The following ADGRG1 variants were observed in gnomAD, a reference collection of about 807,000 sequenced individuals.
ADGRG1 encodes 7-transmembrane protein with no EGF-like N-terminal domains-1.
Under a neutral mutation model 73.5 loss-of-function variants are expected in ADGRG1, and 53 were observed. That is an observed-to-expected ratio of 0.72 (90% CI 0.58 to 0.91). The LOEUF (loss-of-function observed/expected upper bound fraction) is 0.91, where lower values mean the gene tolerates loss of function less well. Ranked by LOEUF, ADGRG1 falls within the 40% of genes least tolerant of loss-of-function variation. The pLI, the probability that ADGRG1 is intolerant of heterozygous loss-of-function variation, is 0.00. For missense variants in ADGRG1, 795 were observed against 871.8 expected, an observed-to-expected ratio of 0.91 and a Z score of 1.11; for synonymous variants, 394 against 374.4, an observed-to-expected ratio of 1.05 and a Z score of -0.60.
upstream of ADGRG1, chr16:57,625,631 C>G (rs1360698704): frequency 1.0e-6 from 1 of 982,974 alleles, no homozygotes. Context: ...ATTCTGGAAT[C>G]CCCTGGGCAT....
intron 5 of ADGRG1, among the ~76,000 whole-genome samples, chr16:57,654,795 G>A (rs1426783174): frequency 1.3e-5 from 2 of 152,158 alleles, no homozygotes; most frequent in Admixed American, 6.5e-5. Flanking sequence ...CAGGAGAATC[G>A]CTTGAACCCG....
At chr16:57,641,103 C>CG (rs2147751725) in intron 1 of ADGRG1, 1 of 955,836 alleles carries the variant, frequency 1.0e-6, no homozygotes, top group South Asian at 4.8e-5. Context: ...CTGAAGCCTG[C>CG]GGGAGCCTGG....
chr16:57,657,238 T>G lies in ADGRG1; in HGVS notation c.1168-135T>G, dbSNP rs2045952923. On this transcript the variant is annotated intron_variant, in intron 9 of 13. Coordinates refer to ENST00000562631, the MANE Select transcript of ADGRG1 (RefSeq NM_201525.4). ...GAAAAATGCACTTATGGGACCACAT[T>G]CTGCTCAGTTGGGAGAGGGGGTTCT... is the stretch of plus-strand genomic sequence containing the variant. 5 of 1,278,080 alleles carry G rather than the reference T, an allele frequency of 3.9e-6. No individual in the cohort carries two copies. In the Admixed American group the frequency reaches 9.7e-5, roughly 25 times the overall value. The allele number at this position is 1,278,080 out of a possible 1,614,324, so 79.2% of individuals were successfully genotyped here.
chr16:57,620,499 TCTC>T (rs1412761905), upstream of ADGRG1, among the ~76,000 whole-genome samples: 3 of 152,062 alleles, frequency 2.0e-5, no homozygotes, highest in African/African-American at 4.8e-5. Context: ...GGACCTGAAG[TCTC>T]CTGCCTGCTT....
chr16:57,622,249 A>G (rs773143438), intron 2 of ADGRG1: 1 of 152,242 alleles, frequency 6.6e-6, no homozygotes, highest in Non-Finnish European at 1.5e-5. Context: ...TTACACAGGA[A>G]GATACTGAGG....
At position 57,656,004 on chromosome 16, in the gene ADGRG1, CCAG is replaced by C; in HGVS notation, c.1017+14_1017+16del. The C allele has an allele frequency of 6.2e-7, 1 of 1,613,950 alleles. No individual in the cohort carries two copies. The highest frequency in any genetic ancestry group is 1.1e-5 in the South Asian group (1 of 91,074). Reference sequence around the variant, plus strand: ...ACCAGCTACAGCCGGTGAGTGGGGGCCAGCCATCAAGAGAACAAGCGCCCCTCG... The same window carrying C: ...ACCAGCTACAGCCGGTGAGTGGGGGCCCATCAAGAGAACAAGCGCCCCTCG... On this transcript the variant is annotated intron_variant, in intron 7 of 13. Transcript: ENST00000562631.
At position 57,630,820 on chromosome 16, in the gene ADGRG1, G is replaced by A. The variant is rs1053597628; in HGVS notation, c.-36+2018G>A. 9 of 390,978 alleles carry A rather than the reference G, an allele frequency of 2.3e-5. No homozygotes were observed. The East Asian group carries it at 8.1e-4, about 35-fold the overall frequency. The allele number at this position is 390,978 out of a possible 1,614,324, so 24.2% of individuals were successfully genotyped here. A position where few individuals can be genotyped will look rare whatever the true frequency, so the allele number is the denominator to read the frequency against. On this transcript the variant is annotated intron_variant, in intron 1 of 13. Transcript: ENST00000562631. ...AGGGACTGATGTCTGTATGAGCACT[G>A]TAGGGGGAGTCCTAGTGGAGGAAAC... is the stretch of plus-strand genomic sequence containing the variant.
At chr16:57,636,052 G>A in intron 1 of ADGRG1, 1 of 985,348 alleles carries the variant, frequency 1.0e-6, no homozygotes, top group Non-Finnish European at 1.2e-6. Context: ...ATGGCCATAG[G>A]CACGTGCCCT....
In ADGRG1 at chr16:57,648,396, C is replaced by G. The variant is rs578233650; in HGVS notation, c.-35-1857C>G. On this transcript the variant is annotated intron_variant, in intron 1 of 13. Coordinates refer to ENST00000562631, the MANE Select transcript of ADGRG1 (RefSeq NM_201525.4). ...TAAAACACTTTCACATCCTTCTTCT[C>G]AAAGGGCTCTGTGATGCCACCAGGG... 14 of 945,758 alleles carry G rather than the reference C, an allele frequency of 1.5e-5. No homozygotes were observed. The East Asian group carries it at 1.3e-3, about 86-fold the overall frequency. The allele number at this position is 945,758 out of a possible 1,614,324, so 58.6% of individuals were successfully genotyped here.
chr16:57,636,492 G>A (rs916482486), intron 1 of ADGRG1: 29 of 985,186 alleles, frequency 2.9e-5, no homozygotes, highest in Non-Finnish European at 9.6e-6. Flanking sequence ...GCAGAGGTGT[G>A]TGTGCTCCTG....
chr16:57,637,205 T>C (rs2039575912), intron 1 of ADGRG1: 1 of 528,410 alleles, frequency 1.9e-6, no homozygotes, highest in African/African-American at 2.1e-5. Flanking sequence ...GCCTCAGTTC[T>C]CTGACTTACA....
At chr16:57,635,378 TCCTG>T in intron 1 of ADGRG1, 1 of 985,300 alleles carries the variant, frequency 1.0e-6, no homozygotes, top group Non-Finnish European at 1.2e-6. Flanking sequence ...CCAGCTCCTC[TCCTG>T]CCTGCCTCCT....
At chr16:57,625,929 G>A (rs1373856963), upstream of ADGRG1, among the ~76,000 whole-genome samples, 1 of 152,038 alleles carries the variant, frequency 6.6e-6, no homozygotes. Context: ...TCTGTTTATC[G>A]AAGCCCCCTT....
chr16:57,660,440 G>A (rs765272146), intron 11 of ADGRG1: 129 of 947,948 alleles, frequency 1.4e-4, no homozygotes, highest in Non-Finnish European at 1.3e-4. Context: ...AACTCTTGCC[G>A]TCCCTCCTAA....
intron 1 of ADGRG1, chr16:57,639,707 C>T: frequency 1.0e-6 from 1 of 953,976 alleles, no homozygotes; most frequent in Non-Finnish European, 1.2e-6. Context: ...TCCTCCCCGT[C>T]CCTTTCACTC....
intron 13 of ADGRG1, 41 bp downstream of exon 13, chr16:57,662,006 A>G: frequency 1.3e-6 from 2 of 1,510,164 alleles, no homozygotes; most frequent in Non-Finnish European, 1.8e-6. Context: ...CAGGGTGTCT[A>G]CACATGGAGC....
In ADGRG1 at chr16:57,651,570, C is replaced by G; in HGVS notation, c.435C>G (p.Ser145Arg). 4 of 1,614,142 alleles carry G rather than the reference C, an allele frequency of 2.5e-6. No homozygotes were observed. The highest frequency in any genetic ancestry group is 2.5e-6 in the Non-Finnish European group (3 of 1,180,036). The change falls in exon 3 of 14, where the codon AGC (serine) becomes AGG (arginine). Residue 145 changes from serine (S) to arginine (R), a missense_variant. Transcript: ENST00000562631. ...LLATSVTSWWSPQNISLPSAA... is the reference protein window; with the variant it reads ...LLATSVTSWWRPQNISLPSAA... ...CCACTTCTGTCACCTCCTGGTGGAG[C>G]CCTCAGAACATCAGCCTGCCCAGTG...
chr16:57,635,176 T>A, intron 1 of ADGRG1: 1 of 985,296 alleles, frequency 1.0e-6, no homozygotes, highest in Non-Finnish European at 1.2e-6. Flanking sequence ...GGGGCATTCC[T>A]GACCCCATGG....
Position 57,653,972 on chromosome 16 carries a change from C to T in ADGRG1, c.621-14C>T, listed in dbSNP as rs1192171085. ...CCCTCCCCACCATCACCACCGCTTT[C>T]TCCTCCCTGCCAGGCAGTTGCAGAG... On this transcript the variant is annotated splice_polypyrimidine_tract_variant and intron_variant, in intron 4 of 13. Transcript: ENST00000562631. The T allele has an allele frequency of 6.2e-7, 1 of 1,613,790 alleles. No homozygotes were observed. The highest frequency in any genetic ancestry group is 1.1e-5 in the South Asian group (1 of 91,082).
Sources: gnomAD v4.1 joint callset for allele counts (sites outside exome capture counted in the v4.1 genomes callset) on GRCh38, gnomAD v4.1.1 for gene constraint, MANE v1.5 for transcripts, NCBI Gene and HGNC (gene_info 2026-07-23, HGNC 2026-07-21) for gene names.